EPHA2: variants seen among roughly 807,000 people sequenced by gnomAD.
EPHA2 encodes ephrin type-A receptor 2.
Under a neutral mutation model 104.9 loss-of-function variants are expected in EPHA2, and 54 were observed. The ratio of observed to expected loss-of-function variants is 0.51; its 90% CI spans 0.41 to 0.65. EPHA2 has a LOEUF of 0.65. Among genes scored for constraint, EPHA2 ranks in the 30% least tolerant of loss-of-function variants. The pLI is 0.00. For missense variants in EPHA2, 1,117 were observed against 1,369.5 expected (o/e 0.82, Z 2.91); for synonymous variants, 560 against 559.1 (o/e 1.00, Z -0.02).
rs1570402409 is a variant in EPHA2 at position 16,134,093 on chromosome 1, T to G, written c.1683-178A>C. Among the ~76,000 whole-genome samples, 1 of 151,828 alleles carries G rather than the reference T, an allele frequency of 6.6e-6. No individual in the cohort carries two copies. Among genetic ancestry groups the G allele is most frequent in the East Asian group, 2.0e-4 (1 of 5,126 alleles). ...GGGCCGAGGGTGCGGAGAAGGCGGG[T>G]GGAGGAACAGGGAGGAAGTGAGCGA... is the stretch of plus-strand genomic sequence containing the variant. On this transcript the variant is annotated intron_variant, in intron 8 of 16. Transcript: ENST00000358432. This position sits in a 1 kb window ranked among gnomAD's most constrained non-coding sequence, Gnocchi z 4.5.
intron 11 of EPHA2, among the ~76,000 whole-genome samples, chr1:16,132,777 GGA>G (rs1333254530): frequency 2.7e-5 from 4 of 148,044 alleles, no homozygotes; most frequent in Non-Finnish European, 4.5e-5. Context: ...CAGGTATCGG[GGA>G]GAGGTGGGCA....
chr1:16,141,534 G>A (rs1390014916), intron 3 of EPHA2, among the ~76,000 whole-genome samples: 3 of 152,250 alleles, frequency 2.0e-5, no homozygotes, highest in Admixed American at 2.0e-4. Flanking sequence ...CTCAGTGCTG[G>A]TTCAGGTGGT....
chr1:16,127,179 G>A (rs1450055489), intron 16 of EPHA2, among the ~76,000 whole-genome samples: 1 of 152,118 alleles, frequency 6.6e-6, no homozygotes, highest in Non-Finnish European at 1.5e-5. Context: ...AGCCTCACGT[G>A]TCAGATCATT....
intron 1 of EPHA2, chr1:16,153,414 G>A (rs776490168): frequency 7.7e-6 from 6 of 783,892 alleles, no homozygotes; most frequent in East Asian, 1.3e-4. Flanking sequence ...ACTTGGCCCC[G>A]GTAGAACCAG....
chr1:16,136,172 C>T (rs2024679873), intron 5 of EPHA2, among the ~76,000 whole-genome samples: 1 of 152,078 alleles, frequency 6.6e-6, no homozygotes, highest in African/African-American at 2.4e-5. Context: ...GCCCAGCTCC[C>T]AGGCTCTTTA....
chr1:16,125,388 GACAGGACTC>G lies in EPHA2; in HGVS notation c.2826-77_2826-69del. ...AGGGGAGGGGGCCGGGCTGGGTGGGGACAGGACTCGGTGGGCGGCTGGGGAGGGGAGTGG... is the reference window on the plus strand; with the variant it reads ...AGGGGAGGGGGCCGGGCTGGGTGGGGGGTGGGCGGCTGGGGAGGGGAGTGG... On this transcript the variant is annotated intron_variant, in intron 16 of 16. Transcript: ENST00000358432. The surrounding 1 kb of genome is among the most constrained non-coding windows in gnomAD (Gnocchi z 4.9). 2.7e-6 allele frequency: 1 copy of G among 376,144 alleles called. No individual in the cohort carries two copies. The highest frequency in any genetic ancestry group is 5.5e-6 in the Non-Finnish European group (1 of 181,646). The allele number at this position is 376,144 out of a possible 1,614,324, so 23.3% of individuals were successfully genotyped here.
chr1:16,139,315 C>A (rs931755268), intron 3 of EPHA2, among the ~76,000 whole-genome samples: 1 of 152,186 alleles, frequency 6.6e-6, no homozygotes, highest in Non-Finnish European at 1.5e-5. Flanking sequence ...GCTGAAGTGG[C>A]CAGGGTGGGT....
At chr1:16,137,570 C>A (rs537613488) in intron 5 of EPHA2, among the ~76,000 whole-genome samples, 5 of 152,304 alleles carry the variant, frequency 3.3e-5, no homozygotes. Flanking sequence ...TGCACTCCAG[C>A]CTGGGCAACA....
chr1:16,146,522 C>G (rs771748614), intron 3 of EPHA2: 9 of 152,434 alleles, frequency 5.9e-5, no homozygotes, highest in East Asian at 1.9e-4. Context: ...TGGGCTGCCT[C>G]GTCCCGGCCC....
Position 16,138,183 on chromosome 1 carries a change from G to T in EPHA2, c.982C>A (p.Pro328Thr), listed in dbSNP as rs890846452. 6.2e-7 allele frequency: 1 copy of T among 1,609,960 alleles called. No individual in the cohort carries two copies. The highest frequency in any genetic ancestry group is 8.5e-7 in the Non-Finnish European group (1 of 1,179,888). ...GTGAGGTAGTGTGGGGCGGAGGGGG[G>T]TCCTGCACAGACAGGAGGAGTCAGT... Reference protein sequence around the residue: ...QDPASMPCTRPPSAPHYLTAV... With the variant: ...QDPASMPCTRTPSAPHYLTAV... Residue 328 changes from proline to threonine, a missense_variant and splice_region_variant, in exon 5 of 17, where the codon CCC becomes ACC. Physicochemically the swap from Pro to Thr is conservative, Grantham distance 38. Transcript: ENST00000358432.
intron 1 of EPHA2, 71 bp downstream of exon 1, chr1:16,155,777 G>T: frequency 3.3e-6 from 4 of 1,228,366 alleles, no homozygotes; most frequent in Non-Finnish European, 4.2e-6. Flanking sequence ...AGTTGCGCGC[G>T]TCAAGGAGCG....
rs1338558737 is a variant in EPHA2, at chr1:16,138,020, C to A, written c.1145G>T (p.Ser382Ile). 6.2e-7 allele frequency: 1 copy of A among 1,613,672 alleles called. No individual in the cohort carries two copies. Residue 382 changes from serine to isoleucine, a missense_variant, in exon 5 of 17, where the codon AGT (serine) becomes ATT (isoleucine). Physicochemically the swap from Ser to Ile is moderately radical, Grantham distance 142. This residue lies in a region of EPHA2 where 664 missense variants were observed against 784.8 expected (regional missense o/e 0.85). Transcript: ENST00000358432. Reference protein sequence around the residue: ...ESGECGPCEASVRYSEPPHGL... With the variant: ...ESGECGPCEAIVRYSEPPHGL... ...GTGAGGAGGCTCCGAGTAGCGCACA[C>A]TGGCCTCACACGGCCCGCATTCCCC...
At position 16,137,894 on chromosome 1, in the gene EPHA2, C is replaced by G. The variant is rs758249318; in HGVS notation, c.1271G>C (p.Ser424Thr). 6.2e-7 allele frequency: 1 copy of G among 1,613,940 alleles called. No homozygotes were observed. The highest frequency in any genetic ancestry group is 1.3e-5 in the African/African-American group (1 of 75,074). Residue 424 changes from serine (S) to threonine (T), a missense_variant, in exon 5 of 17, where the codon AGC becomes ACC. By Grantham distance (58) the Ser-to-Thr change is moderately conservative. Around this residue, in one of 3 missense-constraint regions of EPHA2, gnomAD observed 664 missense variants for 784.8 expected, o/e 0.85. Coordinates refer to ENST00000358432, the MANE Select transcript of EPHA2 (RefSeq NM_004431.5). ...ARNGVSGLVTSRSFRTASVSI... is the reference protein window; with the variant it reads ...ARNGVSGLVTTRSFRTASVSI... Reference sequence around the variant, plus strand: ...GACACTGGCAGTACGGAAGCTGCGGCTGGTTACCAGGCCTGAGACGCCATT... The same window carrying G: ...GACACTGGCAGTACGGAAGCTGCGGGTGGTTACCAGGCCTGAGACGCCATT...
intron 2 of EPHA2, 64 bp from the exon 3 acceptor site, chr1:16,149,111 G>A (rs2024990882): frequency 1.3e-6 from 2 of 1,554,162 alleles, no homozygotes; most frequent in South Asian, 1.1e-5. Context: ...CCAGGTGGCA[G>A]AGTAGGGCAC....
Position 16,135,743 on chromosome 1 carries a change from C to A in EPHA2, c.1340G>T (p.Arg447Leu). ...TEPPKVRLEG[R>L]STTSLSVSWS... Reference sequence around the variant, plus strand: ...GGAGACGCTAAGCGAGGTGGTGCTGCGGCCCTCCAGCCTCACCTTGGGGGG... The same window carrying A: ...GGAGACGCTAAGCGAGGTGGTGCTGAGGCCCTCCAGCCTCACCTTGGGGGG... The change falls in exon 6 of 17, where the codon CGC becomes CTC. Residue 447 changes from arginine (R) to leucine (L), a missense_variant. Arg to Leu is a moderately radical substitution (Grantham distance 102). Around this residue, in one of 3 missense-constraint regions of EPHA2, gnomAD observed 664 missense variants for 784.8 expected, o/e 0.85. Transcript: ENST00000358432. This position sits in a 1 kb window ranked among gnomAD's most constrained non-coding sequence, Gnocchi z 4.3. 1.2e-6 allele frequency: 2 copies of A among 1,613,152 alleles called. No individual in the cohort carries two copies.
chr1:16,133,410 G>T (rs776935972), intron 10 of EPHA2, 42 bp from the exon 11 acceptor site: 1 of 1,613,852 alleles, frequency 6.2e-7, no homozygotes, highest in Non-Finnish European at 8.5e-7. Flanking sequence ...GGTCAGCCCC[G>T]GCATGAGGGC....
intron 5 of EPHA2, among the ~76,000 whole-genome samples, chr1:16,137,577 A>G (rs1373206764): frequency 1.3e-5 from 2 of 152,218 alleles, no homozygotes; most frequent in Admixed American, 1.3e-4. Flanking sequence ...CAGCCTGGGC[A>G]ACAGAGCGAG....
rs1340176936 is a variant in EPHA2, at chr1:16,135,803, A to T, written c.1313-33T>A. ...GGACAGGCAGTGGGGGAAGTGGGTA[A>T]GAAGCTGCCTACGAGCAGGCAGGGT... On this transcript the variant is annotated intron_variant, in intron 5 of 16. Transcript: ENST00000358432. This position sits in a 1 kb window ranked among gnomAD's most constrained non-coding sequence, Gnocchi z 4.3. The T allele has an allele frequency of 8.6e-7, 1 of 1,162,530 alleles. No individual in the cohort carries two copies. Among genetic ancestry groups the T allele is most frequent in the Non-Finnish European group, 1.3e-6 (1 of 773,480 alleles). 72.0% of individuals were successfully genotyped at this position (1,162,530 alleles called of 1,614,324 possible).
Position 16,134,627 on chromosome 1 carries a change from C to T in EPHA2, c.1583-60G>A, listed in dbSNP as rs1315540207. 2.8e-5 allele frequency: 43 copies of T among 1,555,938 alleles called. No individual in the cohort carries two copies. The Middle Eastern group carries it at 6.7e-4, about 24-fold the overall frequency. ...CCCCCACAAATTACAGCAACACCCG[C>T]GCTGCACCCAAGACACCTGGGCCCC... is the stretch of plus-strand genomic sequence containing the variant. On this transcript the variant is annotated intron_variant, in intron 7 of 16. Transcript: ENST00000358432. The surrounding 1 kb of genome is among the most constrained non-coding windows in gnomAD (Gnocchi z 4.5).
Sources: gnomAD v4.1 joint callset for allele counts (sites outside exome capture counted in the v4.1 genomes callset) on GRCh38, gnomAD v4.1.1 for gene constraint, gnomAD v4.1.1 regional missense constraint, Gnocchi (gnomAD v3.1) non-coding constraint, MANE v1.5 for transcripts, NCBI Gene and HGNC (gene_info 2026-07-23, HGNC 2026-07-21) for gene names.